Variants in TUBA1C observed in about 807,000 individuals in gnomAD.
TUBA1C encodes the protein tubulin alpha-1C chain.
A neutral mutation model predicts 34.9 loss-of-function variants in TUBA1C; 16 were observed. That is an observed-to-expected ratio of 0.46 (90% CI 0.31 to 0.70). The LOEUF (loss-of-function observed/expected upper bound fraction) is 0.70, where lower values mean the gene tolerates loss of function less well. Ranked by LOEUF, TUBA1C falls within the 30% of genes least tolerant of loss-of-function variation. TUBA1C has a pLI of 0.05. For synonymous variants in TUBA1C, 177 were observed against 215.9 expected (o/e 0.82, Z 1.58); for missense variants, 329 against 587.3 (o/e 0.56, Z 4.55).
chr12:49,255,405 A>AAAAAAAT (rs533723121), intron 1 of TUBA1C, among the ~76,000 whole-genome samples: 8 of 141,314 alleles, frequency 5.7e-5, no homozygotes, highest in Non-Finnish European at 1.5e-5. Context: ...ATCTTTAAAA[A>AAAAAAAT]ATATATATAT....
At chr12:49,243,975 T>C (rs894461000) in intron 1 of TUBA1C, among the ~76,000 whole-genome samples, 1 of 151,850 alleles carries the variant, frequency 6.6e-6, no homozygotes, top group Non-Finnish European at 1.5e-5. Context: ...CACAGCGAGA[T>C]CCCGTATCTA....
chr12:49,255,427 T>C (rs1477582072), intron 1 of TUBA1C, among the ~76,000 whole-genome samples: 2 of 148,838 alleles, frequency 1.3e-5, no homozygotes, highest in African/African-American at 2.4e-5. Context: ...TATATATATA[T>C]ATATTTCTCT....
chr12:49,241,588 G>T lies in TUBA1C; in HGVS notation c.213+13422G>T, dbSNP rs117152940. 6.2e-3 allele frequency among the ~76,000 whole-genome samples: 939 copies of T among 152,122 alleles called. 4 individuals carry two copies. Among genetic ancestry groups the T allele is most frequent in the Non-Finnish European group, 8.7e-3 (590 of 67,986 alleles). On this transcript the variant is annotated intron_variant, in intron 1 of 3. Coordinates refer to the TUBA1C transcript ENST00000541364. ...ATGCAATTTCTGGTGTATGATAAAT[G>T]CTTTACACATATTTTCCTCCCCTCC...
At chr12:49,229,186 G>A (rs572797267) in intron 1 of TUBA1C, among the ~76,000 whole-genome samples, 22 of 151,996 alleles carry the variant, frequency 1.4e-4, no homozygotes, top group African/African-American at 2.7e-4. Flanking sequence ...TCTTTTTTGC[G>A]TGCGTGTGAC....
chr12:49,252,283 A>G (rs1018802880), intron 1 of TUBA1C, among the ~76,000 whole-genome samples: 1 of 152,228 alleles, frequency 6.6e-6, no homozygotes, highest in Non-Finnish European at 1.5e-5. Flanking sequence ...TCCTAATAAA[A>G]TATGTAAATT....
At position 49,265,202 on chromosome 12, in the gene TUBA1C, G is replaced by A. The variant is rs200658893; in HGVS notation, c.3+18G>A. The A allele has an allele frequency of 1.4e-5, 22 of 1,593,628 alleles. No individual in the cohort carries two copies. The highest frequency in any genetic ancestry group is 1.4e-4 in the East Asian group (6 of 44,378). ...TAGTCATGGTGAGTGGGGTTCCCTC[G>A]GGGCTGGGGAAGAGTGCGCGTCCCA... On this transcript the variant is annotated intron_variant, in intron 1 of 3. Coordinates refer to ENST00000301072, the MANE Select transcript of TUBA1C (RefSeq NM_032704.5).
At chr12:49,231,635 T>C (rs1389427479) in intron 1 of TUBA1C, among the ~76,000 whole-genome samples, 1 of 152,226 alleles carries the variant, frequency 6.6e-6, no homozygotes, top group South Asian at 2.1e-4. Context: ...TGAACGTATG[T>C]GCCATGGCTA....
At chr12:49,234,718 C>A (rs1303249602) in intron 1 of TUBA1C, among the ~76,000 whole-genome samples, 1 of 152,260 alleles carries the variant, frequency 6.6e-6, no homozygotes, top group Admixed American at 6.5e-5. Flanking sequence ...AGCGGCCTTT[C>A]TTCACATATC....
intron 1 of TUBA1C, among the ~76,000 whole-genome samples, chr12:49,230,809 C>G (rs559795836): frequency 6.6e-6 from 1 of 152,292 alleles, no homozygotes; most frequent in East Asian, 1.9e-4. Flanking sequence ...AGGATTTTGC[C>G]TGAAAGCATT....
chr12:49,253,348 T>A (rs1565643946), intron 1 of TUBA1C, among the ~76,000 whole-genome samples: 1 of 151,932 alleles, frequency 6.6e-6, no homozygotes, highest in Non-Finnish European at 1.5e-5. Flanking sequence ...CGGTGGAAGC[T>A]ATGGAAGGAG....
At chr12:49,270,820 T>C (rs1412346294) in intron 3 of TUBA1C, among the ~76,000 whole-genome samples, 13 of 151,816 alleles carry the variant, frequency 8.6e-5, no homozygotes, top group Non-Finnish European at 1.6e-4. Context: ...CTACTAAAAA[T>C]ACAAAAAAAT....
intron 1 of TUBA1C, among the ~76,000 whole-genome samples, chr12:49,230,346 GAGA>G (rs1942483981): frequency 6.6e-6 from 1 of 152,150 alleles, no homozygotes; most frequent in Non-Finnish European, 1.5e-5. Context: ...AAAAACATAG[GAGA>G]AGAAGGAAAG....
chr12:49,257,164 AAAG>A (rs1026864596), intron 1 of TUBA1C, among the ~76,000 whole-genome samples: 1 of 151,678 alleles, frequency 6.6e-6, no homozygotes, highest in Non-Finnish European at 1.5e-5. Context: ...AAAAAAAAAA[AAAG>A]AAGACAGTGG....
At position 49,254,048 on chromosome 12, in the gene TUBA1C, A is replaced by C. The variant is rs573090011; in HGVS notation, c.214-15417A>C. 3.9e-5 allele frequency among the ~76,000 whole-genome samples: 6 copies of C among 152,280 alleles called. No homozygotes were observed. The East Asian group carries it at 1.2e-3, about 29-fold the overall frequency. On this transcript the variant is annotated intron_variant, in intron 1 of 3. Transcript: ENST00000541364. Reference sequence around the variant, plus strand: ...GAAGGGGAGCCGGGTGCGGTGACTTACGCCTGTAATCCCAGCAGTTTGGGA... The same window carrying C: ...GAAGGGGAGCCGGGTGCGGTGACTTCCGCCTGTAATCCCAGCAGTTTGGGA...
chr12:49,263,800 T>C (rs1401104466), upstream of TUBA1C, among the ~76,000 whole-genome samples: 1 of 152,232 alleles, frequency 6.6e-6, no homozygotes, highest in African/African-American at 2.4e-5. Flanking sequence ...GCACATTTAG[T>C]ATGACGCAGT....
At position 49,265,086 on chromosome 12, in the gene TUBA1C, C is replaced by T. The variant is rs1262295378; in HGVS notation, c.-96C>T. 2 of 1,455,414 alleles carry T rather than the reference C, an allele frequency of 1.4e-6. No individual in the cohort carries two copies. The highest frequency in any genetic ancestry group is 2.5e-5 in the East Asian group (1 of 39,640). The allele number at this position is 1,455,414 out of a possible 1,614,324, so 90.2% of individuals were successfully genotyped here. ...TTCGGGGCCGGCCACCCTTTCACTACTTCTCCCCCGGACTCCTTGGTAGTC... is the reference window on the plus strand; with the variant it reads ...TTCGGGGCCGGCCACCCTTTCACTATTTCTCCCCCGGACTCCTTGGTAGTC... On this transcript the variant is annotated 5_prime_UTR_variant, in exon 1 of 4. Coordinates refer to ENST00000301072, the MANE Select transcript of TUBA1C (RefSeq NM_032704.5).
exon 1 of TUBA1C, chr12:49,228,120 C>T (rs2074234153): frequency 6.5e-7 from 1 of 1,535,614 alleles, no homozygotes; most frequent in Admixed American, 2.0e-5. Flanking sequence ...CCTTTTAACA[C>T]ATGCACATCC....
intron 1 of TUBA1C, among the ~76,000 whole-genome samples, chr12:49,245,691 T>C (rs897523642): frequency 6.6e-6 from 1 of 152,186 alleles, no homozygotes; most frequent in African/African-American, 2.4e-5. Flanking sequence ...AGCTGTCCCT[T>C]CAGCTCCGTC....
intron 1 of TUBA1C, among the ~76,000 whole-genome samples, chr12:49,237,941 T>C (rs1942574078): frequency 6.6e-6 from 1 of 151,762 alleles, no homozygotes. Context: ...AAAACTCGTC[T>C]CTACTAAAAA....
Sources: allele counts gnomAD v4.1 joint callset (sites outside exome capture counted in the v4.1 genomes callset), GRCh38; gene constraint gnomAD v4.1.1; transcripts MANE v1.5; gene names NCBI Gene and HGNC (gene_info 2026-07-23, HGNC 2026-07-21).